Variants in EFEMP1 observed in about 807,000 individuals in gnomAD.
EFEMP1 encodes EGF-containing fibulin-like extracellular matrix protein 1.
EFEMP1 carries 18 observed loss-of-function variants against 65.7 expected under a neutral mutation model. The ratio of observed to expected loss-of-function variants is 0.27; its 90% CI spans 0.19 to 0.41. The LOEUF is 0.41. EFEMP1 is among the 10% of genes least tolerant of loss of function. The probability of loss-of-function intolerance (pLI) is 1.00; values close to 1 mark genes in which losing one functional copy is unlikely to be tolerated. For missense variants in EFEMP1, 469 were observed against 624.8 expected, an observed-to-expected ratio of 0.75 and a Z score of 2.66; for synonymous variants, 237 against 219.7, an observed-to-expected ratio of 1.08 and a Z score of -0.70.
Position 55,867,236 on chromosome 2 carries a change from T to G in EFEMP1, c.1321-2A>C. 6.2e-7 allele frequency: 1 copy of G among 1,613,662 alleles called. No homozygotes were observed. Among genetic ancestry groups the G allele is most frequent in the Non-Finnish European group, 8.5e-7 (1 of 1,179,786 alleles). On this transcript the variant is annotated splice_acceptor_variant, in intron 11 of 11. Transcript: ENST00000355426. LOFTEE classifies it high-confidence loss of function. The surrounding 1 kb of genome is among the most constrained non-coding windows in gnomAD (Gnocchi z 4.3). The stretch of plus-strand genomic sequence containing the variant: ...CATTGCACTTACAGGACTTGTTTGC[T>G]AAAATAAAAGAAAATAGAGAAAGGA...
Position 55,922,806 on chromosome 2 carries a change from A to G in EFEMP1, c.-8+93T>C. On this transcript the variant is annotated intron_variant, in intron 2 of 11. Coordinates refer to ENST00000355426, the MANE Select transcript of EFEMP1 (RefSeq NM_001039348.3). The surrounding 1 kb of genome is among the most constrained non-coding windows in gnomAD (Gnocchi z 5.5). Reference sequence around the variant, plus strand: ...TAATCCATTTCAAAGGGGACGGTGCATTTCCTGCCCCCCAGTCCCACACCC... The same window carrying G: ...TAATCCATTTCAAAGGGGACGGTGCGTTTCCTGCCCCCCAGTCCCACACCC... 1.0e-6 allele frequency: 1 copy of G among 996,552 alleles called. No homozygotes were observed. The allele number at this position is 996,552 out of a possible 1,614,324, so 61.7% of individuals were successfully genotyped here. A position where few individuals can be genotyped will look rare whatever the true frequency, so the allele number is the denominator to read the frequency against.
At chr2:55,874,822 A>G in intron 9 of EFEMP1, 124 bp downstream of exon 9, 1 of 1,052,590 alleles carries the variant, frequency 9.5e-7, no homozygotes, top group South Asian at 1.8e-5. Flanking sequence ...CAGGGGAAAA[A>G]AGAGCTTAAA....
At position 55,871,871 on chromosome 2, in the gene EFEMP1, G is replaced by A. The variant is rs548507141; in HGVS notation, c.1001-748C>T. On this transcript the variant is annotated intron_variant, in intron 9 of 11. Transcript: ENST00000355426. This position sits in a 1 kb window ranked among gnomAD's most constrained non-coding sequence, Gnocchi z 4.2. ...AATTTTAGGACTGTAAGGAAAAAGAGGAAGTTAAGGAAGAGGCTGTCAGTG... is the reference window on the plus strand; with the variant it reads ...AATTTTAGGACTGTAAGGAAAAAGAAGAAGTTAAGGAAGAGGCTGTCAGTG... Among the ~76,000 whole-genome samples, 19 of 152,162 alleles carry A rather than the reference G, an allele frequency of 1.2e-4. No individual in the cohort carries two copies. Among genetic ancestry groups the A allele is most frequent in the African/African-American group, 4.3e-4 (18 of 41,514 alleles).
rs913031039 is a variant in EFEMP1 at position 55,916,643 on chromosome 2, G to A, written c.517+1022C>T. Among the ~76,000 whole-genome samples the A allele has an allele frequency of 5.3e-5, 8 of 152,178 alleles. No individual in the cohort carries two copies. In the South Asian group the frequency reaches 8.3e-4, roughly 16 times the overall value. On this transcript the variant is annotated intron_variant, in intron 5 of 11. Coordinates refer to ENST00000355426, the MANE Select transcript of EFEMP1 (RefSeq NM_001039348.3). ...TCCTGGACCCTTTCCATTGGCCCAC[G>A]TGTGCCATACACGTATGTGGTGGTG...
At chr2:55,911,824 A>T (rs1482072603) in intron 5 of EFEMP1, among the ~76,000 whole-genome samples, 1 of 152,154 alleles carries the variant, frequency 6.6e-6, no homozygotes, top group Non-Finnish European at 1.5e-5. Context: ...TTTTAAGAAC[A>T]CTTTCTGACT....
chr2:55,872,544 A>G (rs1668851517), intron 9 of EFEMP1, among the ~76,000 whole-genome samples: 1 of 152,162 alleles, frequency 6.6e-6, no homozygotes. Flanking sequence ...GGTGAGAAAG[A>G]TATTTCCACT....
Position 55,881,657 on chromosome 2 carries a change from A to T in EFEMP1, c.595T>A (p.Cys199Ser). Residue 199 changes from cysteine (C) to serine (S), a missense_variant, in exon 6 of 12, where the codon TGT (cysteine) becomes AGT (serine). Physicochemically the swap from Cys to Ser is moderately radical, Grantham distance 112. Coordinates refer to ENST00000355426, the MANE Select transcript of EFEMP1 (RefSeq NM_001039348.3). Reference sequence around the variant, plus strand: ...TTCTGATATCCAGGAGGGCACTGACATGCAAAGGATCCCCGTAAATTGATG... The same window carrying T: ...TTCTGATATCCAGGAGGGCACTGACTTGCAAAGGATCCCCGTAAATTGATG... Reference protein sequence around the residue: ...VCINLRGSFACQCPPGYQKRG... With the variant: ...VCINLRGSFASQCPPGYQKRG... The T allele has an allele frequency of 6.2e-7, 1 of 1,613,938 alleles. No individual in the cohort carries two copies. Among genetic ancestry groups the T allele is most frequent in the Non-Finnish European group, 8.5e-7 (1 of 1,179,910 alleles).
Position 55,922,895 on chromosome 2 carries a change from T to C in EFEMP1, c.-8+4A>G. On this transcript the variant is annotated splice_donor_region_variant and intron_variant, in intron 2 of 11. Transcript: ENST00000355426. This position sits in a 1 kb window ranked among gnomAD's most constrained non-coding sequence, Gnocchi z 5.5. Reference sequence around the variant, plus strand: ...GAACGTTAAGGCTTTCCCAGTATACTCACCTTGAGCTAGCAGAGTTCCTTG... The same window carrying C: ...GAACGTTAAGGCTTTCCCAGTATACCCACCTTGAGCTAGCAGAGTTCCTTG... The C allele has an allele frequency of 9.0e-7, 1 of 1,113,968 alleles. No homozygotes were observed. The highest frequency in any genetic ancestry group is 1.1e-6 in the Non-Finnish European group (1 of 904,776). The allele number at this position is 1,113,968 out of a possible 1,614,324, so 69.0% of individuals were successfully genotyped here.
chr2:55,922,603 C>A lies in EFEMP1; in HGVS notation c.-7-156G>T. The A allele has an allele frequency of 1.4e-6, 1 of 721,962 alleles. No individual in the cohort carries two copies. The highest frequency in any genetic ancestry group is 1.5e-5 in the South Asian group (1 of 65,378). 44.7% of individuals were successfully genotyped at this position (721,962 alleles called of 1,614,324 possible). A position where few individuals can be genotyped will look rare whatever the true frequency, so the allele number is the denominator to read the frequency against. On this transcript the variant is annotated intron_variant, in intron 2 of 11. Coordinates refer to ENST00000355426, the MANE Select transcript of EFEMP1 (RefSeq NM_001039348.3). The surrounding 1 kb of genome is among the most constrained non-coding windows in gnomAD (Gnocchi z 5.5). ...CTGCTTTCTCATCTCCCCTCCCCCT[C>A]CTGAACCTTCTCGGTAGCCAACGAA... is the stretch of plus-strand genomic sequence containing the variant.
Position 55,871,963 on chromosome 2 carries a change from G to C in EFEMP1, c.1001-840C>G, listed in dbSNP as rs553134610. ...AGGGAGAGAGAATCCTGGGAAGAAG[G>C]GTTGTGTTTACCTCAGGCTGGACAA... On this transcript the variant is annotated intron_variant, in intron 9 of 11. Coordinates refer to ENST00000355426, the MANE Select transcript of EFEMP1 (RefSeq NM_001039348.3). The surrounding 1 kb of genome is among the most constrained non-coding windows in gnomAD (Gnocchi z 4.2). Among the ~76,000 whole-genome samples the C allele has an allele frequency of 6.6e-6, 1 of 152,074 alleles. No homozygotes were observed. Among genetic ancestry groups the C allele is most frequent in the African/African-American group, 2.4e-5 (1 of 41,492 alleles).
Position 55,921,007 on chromosome 2 carries a change from G to A in EFEMP1, c.81+1353C>T, listed in dbSNP as rs941506741. Among the ~76,000 whole-genome samples, 2 of 152,162 alleles carry A rather than the reference G, an allele frequency of 1.3e-5. No homozygotes were observed. ...AAAACTATCATGTTTAAGCCACAGG[G>A]AACCTTCTCTGGTAAAAATGAGGAA... is the stretch of plus-strand genomic sequence containing the variant. On this transcript the variant is annotated intron_variant, in intron 3 of 11. Coordinates refer to ENST00000355426, the MANE Select transcript of EFEMP1 (RefSeq NM_001039348.3). The surrounding 1 kb of genome is among the most constrained non-coding windows in gnomAD (Gnocchi z 4.1).
intron 6 of EFEMP1, among the ~76,000 whole-genome samples, chr2:55,880,683 T>C (rs1669205779): frequency 6.6e-6 from 1 of 152,236 alleles, no homozygotes; most frequent in South Asian, 2.1e-4. Context: ...TAAGGCTTTT[T>C]CACTGATCTG....
In EFEMP1 at chr2:55,870,234, A is replaced by T. The variant is rs999138384; in HGVS notation, c.1320+486T>A. Among the ~76,000 whole-genome samples the T allele has an allele frequency of 8.5e-5, 13 of 152,082 alleles. No homozygotes were observed. Among genetic ancestry groups the T allele is most frequent in the African/African-American group, 3.1e-4 (13 of 41,420 alleles). The stretch of plus-strand genomic sequence containing the variant: ...CACAAACTGTCTTGTGAATGTAACA[A>T]TGATGAATTCATGATGTCTGAAAAA... On this transcript the variant is annotated intron_variant, in intron 11 of 11. Transcript: ENST00000355426. The surrounding 1 kb of genome is among the most constrained non-coding windows in gnomAD (Gnocchi z 5.8).
intron 5 of EFEMP1, among the ~76,000 whole-genome samples, chr2:55,884,823 A>G (rs767997504): frequency 2.0e-5 from 3 of 152,158 alleles, no homozygotes; most frequent in African/African-American, 7.2e-5. Context: ...CCTGGACCCA[A>G]GCTCTTTGGG....
At chr2:55,895,911 A>G (rs1669815529) in intron 5 of EFEMP1, among the ~76,000 whole-genome samples, 1 of 152,154 alleles carries the variant, frequency 6.6e-6, no homozygotes. Flanking sequence ...ACTTGGGGCA[A>G]TGGCTGCTCC....
intron 5 of EFEMP1, among the ~76,000 whole-genome samples, chr2:55,882,497 G>C (rs776900362): frequency 6.6e-6 from 1 of 152,116 alleles, no homozygotes; most frequent in Non-Finnish European, 1.5e-5. Context: ...AATGCTCAGT[G>C]ATAGCATAAT....
chr2:55,908,211 G>A (rs1670353652), intron 5 of EFEMP1, among the ~76,000 whole-genome samples: 1 of 152,100 alleles, frequency 6.6e-6, no homozygotes, highest in African/African-American at 2.4e-5. Context: ...TTCTAGCCAG[G>A]GAAATGTCCA....
intron 5 of EFEMP1, among the ~76,000 whole-genome samples, chr2:55,893,925 G>A (rs908188768): frequency 1.3e-5 from 2 of 152,152 alleles, no homozygotes; most frequent in African/African-American, 4.8e-5. Context: ...CCAGATGAAT[G>A]GATACAAGAA....
intron 5 of EFEMP1, among the ~76,000 whole-genome samples, chr2:55,894,467 A>G (rs1669741688): frequency 6.6e-6 from 1 of 152,196 alleles, no homozygotes; most frequent in South Asian, 2.1e-4. Flanking sequence ...TTAGACTTTA[A>G]GATGAAAATG....
Sources: allele counts gnomAD v4.1 joint callset (sites outside exome capture counted in the v4.1 genomes callset), GRCh38; gene constraint gnomAD v4.1.1; non-coding constraint Gnocchi (gnomAD v3.1); transcripts MANE v1.5; gene names NCBI Gene and HGNC (gene_info 2026-07-23, HGNC 2026-07-21).